The following ZMAT4 variants were observed in gnomAD, a reference collection of about 807,000 sequenced individuals.
ZMAT4 encodes zinc finger matrin-type 4, also known as zinc finger matrin-type protein 4.
Under a neutral mutation model 28.7 loss-of-function variants are expected in ZMAT4, and 17 were observed. The observed-to-expected ratio is 0.59, with a 90% confidence interval of 0.41 to 0.89. The LOEUF is 0.89. Ranked by LOEUF, ZMAT4 falls within the 40% of genes least tolerant of loss-of-function variation. The pLI is 0.00. For synonymous variants in ZMAT4, 117 were observed against 109.2 expected (o/e 1.07, Z -0.44); for missense variants, 240 against 283.8 (o/e 0.85, Z 1.11).
intron 5 of ZMAT4, among the ~76,000 whole-genome samples, chr8:40,615,023 A>T (rs1203091131): frequency 6.6e-6 from 1 of 152,104 alleles, no homozygotes; most frequent in African/African-American, 2.4e-5. Context: ...CCCAGCATTG[A>T]TGGTCTTTAC....
At position 40,697,691 on chromosome 8, in the gene ZMAT4, TA is replaced by T. The variant is rs373476504; in HGVS notation, c.193-291del. On this transcript the variant is annotated intron_variant, in intron 3 of 6. Transcript: ENST00000297737. ...TGTCATCTACATTAGGTATTTCTCCTAATGCTATCCCTCCCCTAGCCCCCCC... is the reference window on the plus strand; with the variant it reads ...TGTCATCTACATTAGGTATTTCTCCTATGCTATCCCTCCCCTAGCCCCCCC... 5.4e-4 allele frequency among the ~76,000 whole-genome samples: 82 copies of T among 152,166 alleles called. 1 individual carries two copies. The East Asian group carries it at 0.015, about 29-fold the overall frequency.
chr8:40,658,947 T>C (rs1808060340), intron 5 of ZMAT4, among the ~76,000 whole-genome samples: 1 of 152,188 alleles, frequency 6.6e-6, no homozygotes, highest in Non-Finnish European at 1.5e-5. Context: ...ATGATTTTTA[T>C]ATTTTCTCCA....
chr8:40,869,867 G>T, intron 1 of ZMAT4, among the ~76,000 whole-genome samples: 1 of 152,180 alleles, frequency 6.6e-6, no homozygotes. Context: ...GGCTGAGACA[G>T]CATGGACTTC....
intron 1 of ZMAT4, among the ~76,000 whole-genome samples, chr8:40,861,622 G>C (rs572905805): frequency 2.5e-4 from 38 of 152,294 alleles, no homozygotes; most frequent in Middle Eastern, 3.4e-3. Context: ...TACCATCAGA[G>C]TGAACAGGCA....
At chr8:40,732,425 C>T (rs1425741560) in intron 3 of ZMAT4, among the ~76,000 whole-genome samples, 1 of 152,146 alleles carries the variant, frequency 6.6e-6, no homozygotes, top group African/African-American at 2.4e-5. Context: ...GGTGCCAGGG[C>T]CTGCAGCCTT....
At chr8:40,665,699 A>C (rs947170657) in intron 5 of ZMAT4, among the ~76,000 whole-genome samples, 1 of 152,160 alleles carries the variant, frequency 6.6e-6, no homozygotes, top group Non-Finnish European at 1.5e-5. Flanking sequence ...TCCCAAACTC[A>C]ACTGTTTAAA....
chr8:40,739,616 C>A lies in ZMAT4; in HGVS notation c.192+28025G>T, dbSNP rs149663651. ...CTATGTGCCCACTTAAACTCTTTACCTATCAGGGTTTTTGTTTGTTTGTTT... is the reference window on the plus strand; with the variant it reads ...CTATGTGCCCACTTAAACTCTTTACATATCAGGGTTTTTGTTTGTTTGTTT... On this transcript the variant is annotated intron_variant, in intron 3 of 6. Coordinates refer to ENST00000297737, the MANE Select transcript of ZMAT4 (RefSeq NM_024645.3). 5.0e-3 allele frequency among the ~76,000 whole-genome samples: 762 copies of A among 152,246 alleles called. 3 individuals carry two copies. The highest frequency in any genetic ancestry group is 0.018 in the African/African-American group (727 of 41,542).
chr8:40,778,173 G>C (rs1813685372), intron 2 of ZMAT4, among the ~76,000 whole-genome samples: 1 of 152,194 alleles, frequency 6.6e-6, no homozygotes. Context: ...GCTGAACAAA[G>C]AGATTCTCCA....
At chr8:40,547,805 CTTTATA>C (rs1803250067) in intron 6 of ZMAT4, among the ~76,000 whole-genome samples, 1 of 151,976 alleles carries the variant, frequency 6.6e-6, no homozygotes. Context: ...AAAACCCACA[CTTTATA>C]TTTAATATGG....
chr8:40,571,334 A>G (rs111555278), intron 6 of ZMAT4, among the ~76,000 whole-genome samples: 37 of 152,094 alleles, frequency 2.4e-4, no homozygotes, highest in African/African-American at 8.2e-4. Context: ...AAAATTGCCT[A>G]TGTATTAGTG....
chr8:40,840,662 A>G (rs192653774), intron 1 of ZMAT4, among the ~76,000 whole-genome samples: 7 of 152,242 alleles, frequency 4.6e-5, no homozygotes, highest in Non-Finnish European at 8.8e-5. Flanking sequence ...CCAGAAACGT[A>G]TTGTCTGAGT....
intron 1 of ZMAT4, among the ~76,000 whole-genome samples, chr8:40,888,257 C>T (rs1286209417): frequency 6.6e-6 from 1 of 152,192 alleles, no homozygotes; most frequent in East Asian, 1.9e-4. Flanking sequence ...TATTTGCAGA[C>T]AGAAAATCTA....
chr8:40,600,572 G>A (rs1585738574), intron 5 of ZMAT4, among the ~76,000 whole-genome samples: 2 of 152,168 alleles, frequency 1.3e-5, no homozygotes, highest in African/African-American at 4.8e-5. Flanking sequence ...AAGAGGAAGT[G>A]AGGAAGTTCT....
intron 1 of ZMAT4, among the ~76,000 whole-genome samples, chr8:40,871,978 A>T (rs1434547100): frequency 6.6e-6 from 1 of 152,224 alleles, no homozygotes; most frequent in Admixed American, 6.5e-5. Context: ...AGGGAAAAAC[A>T]GGGGACTTGA....
chr8:40,549,843 A>G (rs1484027456), intron 6 of ZMAT4, among the ~76,000 whole-genome samples: 1 of 152,142 alleles, frequency 6.6e-6, no homozygotes, highest in Non-Finnish European at 1.5e-5. Context: ...TGATCTGACT[A>G]CTGATCATAT....
chr8:40,717,111 C>T (rs1810890949), intron 3 of ZMAT4, among the ~76,000 whole-genome samples: 1 of 152,292 alleles, frequency 6.6e-6, no homozygotes, highest in Admixed American at 6.5e-5. Context: ...TCTTTGATTG[C>T]TCAGTAATAC....
Position 40,675,559 on chromosome 8 carries a change from G to A in ZMAT4, c.350-628C>T, listed in dbSNP as rs942487818. Among the ~76,000 whole-genome samples the A allele has an allele frequency of 2.6e-5, 4 of 152,328 alleles. 1 individual carries two copies. The highest frequency in any genetic ancestry group is 1.5e-5 in the Non-Finnish European group (1 of 68,020). The stretch of plus-strand genomic sequence containing the variant: ...AATAAATAAATTCTTAGAGGTAAGG[G>A]AGTGATCTATCAGTCAAAATAAAGC... On this transcript the variant is annotated intron_variant, in intron 4 of 6. Coordinates refer to ENST00000297737, the MANE Select transcript of ZMAT4 (RefSeq NM_024645.3).
intron 6 of ZMAT4, among the ~76,000 whole-genome samples, chr8:40,570,393 G>A (rs551486789): frequency 7.9e-5 from 12 of 152,186 alleles, no homozygotes; most frequent in African/African-American, 2.2e-4. Context: ...CAGCTTAATC[G>A]GTTTATTTAA....
Position 40,546,142 on chromosome 8 carries a change from A to T in ZMAT4, c.675-13904T>A, listed in dbSNP as rs1410716085. ...CGCAAAGCAAACCACAAGGCACAGT[A>T]AAAAGAAAAGCAAATTTAAGAAAAT... is the stretch of plus-strand genomic sequence containing the variant. On this transcript the variant is annotated intron_variant, in intron 6 of 6. Coordinates refer to ENST00000297737, the MANE Select transcript of ZMAT4 (RefSeq NM_024645.3). 2.0e-5 allele frequency among the ~76,000 whole-genome samples: 3 copies of T among 152,006 alleles called. No homozygotes were observed. The East Asian group carries it at 5.8e-4, about 29-fold the overall frequency.
Sources: allele counts gnomAD v4.1 joint callset (sites outside exome capture counted in the v4.1 genomes callset), GRCh38; gene constraint gnomAD v4.1.1; transcripts MANE v1.5; gene names NCBI Gene and HGNC (gene_info 2026-07-23, HGNC 2026-07-21).